Variants in SCARA5 observed in about 807,000 individuals in gnomAD.
SCARA5 encodes scavenger receptor class A, member 5 (putative).
In SCARA5, 45 loss-of-function variants were observed where a neutral mutation model predicts 46.3. The ratio of observed to expected loss-of-function variants is 0.97; its 90% confidence interval spans 0.76 to 1.24. The LOEUF is 1.24. Ranked by LOEUF, SCARA5 falls within the 50% of genes most tolerant of loss-of-function variation. The pLI, the probability that SCARA5 is intolerant of heterozygous loss-of-function variation, is 0.00. For missense variants in SCARA5, 680 were observed against 689.0 expected, an observed-to-expected ratio of 0.99 and a Z score of 0.15; for synonymous variants, 333 against 306.5, an observed-to-expected ratio of 1.09 and a Z score of -0.90.
chr8:27,921,160 T>C (rs940378311), intron 4 of SCARA5, among the ~76,000 whole-genome samples: 5 of 152,210 alleles, frequency 3.3e-5, no homozygotes, highest in Admixed American at 1.3e-4. Context: ...ACCCTGGGAA[T>C]GACACTAGAG....
At position 27,904,503 on chromosome 8, in the gene SCARA5, A is replaced by C. The variant is rs1585476731; in HGVS notation, c.1153+275T>G. The C allele has an allele frequency of 5.4e-6, 3 of 551,438 alleles. No individual in the cohort carries two copies. The South Asian group carries it at 8.7e-5, about 16-fold the overall frequency. The allele number at this position is 551,438 out of a possible 1,614,324, so 34.2% of individuals were successfully genotyped here. A position where few individuals can be genotyped will look rare whatever the true frequency, so the allele number is the denominator to read the frequency against. On this transcript the variant is annotated intron_variant, in intron 7 of 8. Transcript: ENST00000354914. ...GAGAACACTGAGGCACAGAGATTAT[A>C]CCAGCTGGGCTAGCGAGTGACCGGG...
chr8:27,894,894 TG>T (rs1052892160), intron 7 of SCARA5, among the ~76,000 whole-genome samples: 3 of 151,912 alleles, frequency 2.0e-5, no homozygotes, highest in Admixed American at 2.0e-4. Flanking sequence ...AATGAATGAG[TG>T]GGGCAATGAA....
chr8:27,895,314 C>T (rs1210209629), intron 7 of SCARA5, among the ~76,000 whole-genome samples: 1 of 152,150 alleles, frequency 6.6e-6, no homozygotes, highest in African/African-American at 2.4e-5. Flanking sequence ...GGCACAGGGG[C>T]TCTGCTGAGG....
In SCARA5 at chr8:27,966,450, C is replaced by T. The variant is rs756008254; in HGVS notation, c.205G>A (p.Val69Ile). Reference sequence around the variant, plus strand: ...AAGATGCCCACAAGAATCAGGAAGACCAGCAGGTAGAGCCCCAGGACAGCA... The same window carrying T: ...AAGATGCCCACAAGAATCAGGAAGATCAGCAGGTAGAGCCCCAGGACAGCA... ...KHAVLGLYLL[V>I]FLILVGIFIL... Residue 69 changes from valine (V) to isoleucine (I), a missense_variant, in exon 3 of 9, where the codon GTC becomes ATC. This residue lies in a region of SCARA5 where 438 missense variants were observed against 384.5 expected (regional missense o/e 1.14). Coordinates refer to ENST00000354914, the MANE Select transcript of SCARA5 (RefSeq NM_173833.6). The T allele has an allele frequency of 1.2e-6, 2 of 1,613,446 alleles. No individual in the cohort carries two copies. Among genetic ancestry groups the T allele is most frequent in the Non-Finnish European group, 1.7e-6 (2 of 1,179,762 alleles).
intron 4 of SCARA5, among the ~76,000 whole-genome samples, chr8:27,912,058 G>T (rs926613380): frequency 3.3e-5 from 5 of 152,114 alleles, no homozygotes; most frequent in Non-Finnish European, 2.9e-5. Flanking sequence ...CAGAGGGAAC[G>T]TGGCCCTGTG....
chr8:27,959,884 T>A (rs972776831), intron 3 of SCARA5, among the ~76,000 whole-genome samples: 9 of 152,290 alleles, frequency 5.9e-5, no homozygotes, highest in Admixed American at 1.3e-4. Flanking sequence ...GCTCCATCGC[T>A]CCCTCCCCTA....
At chr8:27,959,598 G>A (rs1808263121) in intron 3 of SCARA5, among the ~76,000 whole-genome samples, 1 of 152,204 alleles carries the variant, frequency 6.6e-6, no homozygotes. Flanking sequence ...ACACAAAGGT[G>A]GAGGAACTGG....
Position 27,966,421 on chromosome 8 carries a change from G to T in SCARA5, c.234C>A (p.Ile78=). 1 of 1,609,674 alleles carries T rather than the reference G, an allele frequency of 6.2e-7. No individual in the cohort carries two copies. The highest frequency in any genetic ancestry group is 8.5e-7 in the Non-Finnish European group (1 of 1,178,872). The stretch of plus-strand genomic sequence containing the variant: ...AAAATGGCCTGCTCTTACCTGCTAA[G>T]ATGAAGATGCCCACAAGAATCAGGA... ...LVFLILVGIF[I]LAVSRPRSSP... Residue 78 remains isoleucine, a synonymous_variant, in exon 3 of 9, where the codon ATC becomes ATA. Coordinates refer to ENST00000354914, the MANE Select transcript of SCARA5 (RefSeq NM_173833.6).
At chr8:27,978,210 T>TC (rs58919880) in intron 2 of SCARA5, among the ~76,000 whole-genome samples, 5 of 148,778 alleles carry the variant, frequency 3.4e-5, no homozygotes, top group African/African-American at 9.9e-5. Flanking sequence ...TTTTTTTTTT[T>TC]AGGAGAGAAA....
At chr8:27,983,341 G>T (rs2129978380) in intron 2 of SCARA5, among the ~76,000 whole-genome samples, 1 of 152,320 alleles carries the variant, frequency 6.6e-6, no homozygotes, top group Admixed American at 6.5e-5. Flanking sequence ...TCTGTTGGGG[G>T]TGCCAGCAGC....
intron 6 of SCARA5, among the ~76,000 whole-genome samples, 183 bp downstream of exon 6, chr8:27,906,965 T>G (rs1247049585): frequency 1.3e-5 from 2 of 152,192 alleles, no homozygotes; most frequent in Non-Finnish European, 2.9e-5. Context: ...TCACCACACC[T>G]GGCTGAGGGT....
At chr8:27,988,197 G>T (rs1249015820) in intron 1 of SCARA5, among the ~76,000 whole-genome samples, 2 of 152,206 alleles carry the variant, frequency 1.3e-5, no homozygotes, top group African/African-American at 4.8e-5. Context: ...AAGGAGCTTG[G>T]CTCAGTAGGA....
chr8:27,960,230 G>A (rs2685409), intron 3 of SCARA5, among the ~76,000 whole-genome samples: 27,967 of 150,722 alleles, frequency 0.19, 2,677 homozygotes, highest in Non-Finnish European at 0.2. Flanking sequence ...AGGCTGGAGC[G>A]CAATGATGCA....
At chr8:27,890,728 G>A (rs897594710) in intron 7 of SCARA5, among the ~76,000 whole-genome samples, 16 of 152,358 alleles carry the variant, frequency 1.1e-4, no homozygotes, top group Admixed American at 2.6e-4. Flanking sequence ...GCCACAGCTC[G>A]CTGTGCACAC....
intron 3 of SCARA5, among the ~76,000 whole-genome samples, chr8:27,923,849 A>G (rs1807640202): frequency 6.6e-6 from 1 of 152,294 alleles, no homozygotes; most frequent in Admixed American, 6.5e-5. Context: ...TTGGGATTAC[A>G]GGTGTGAGCC....
At chr8:27,892,858 G>C (rs986904535) in intron 7 of SCARA5, among the ~76,000 whole-genome samples, 28 of 152,064 alleles carry the variant, frequency 1.8e-4, no homozygotes, top group African/African-American at 6.0e-4. Context: ...CGCCTGCCTG[G>C]GCCTCCCAAA....
intron 3 of SCARA5, among the ~76,000 whole-genome samples, chr8:27,951,995 A>G (rs938141652): frequency 2.6e-5 from 4 of 152,110 alleles, no homozygotes; most frequent in African/African-American, 9.7e-5. Context: ...CCCAGAACCT[A>G]TTTGGAAATA....
rs1001905255 is a variant in SCARA5, at chr8:27,870,999, C to T, written c.*935G>A. On this transcript the variant is annotated 3_prime_UTR_variant, in exon 9 of 9. Transcript: ENST00000354914. ...TCAGCTCTCCTCCTACATTGATGGT[C>T]GGCCTGGAAGCCAGTCATGTTTGAC... 3 of 152,252 alleles carry T rather than the reference C, an allele frequency of 2.0e-5. No homozygotes were observed. The highest frequency in any genetic ancestry group is 4.4e-5 in the Non-Finnish European group (3 of 68,076). 9.4% of individuals were successfully genotyped at this position (152,252 alleles called of 1,614,324 possible). A position where few individuals can be genotyped will look rare whatever the true frequency, so the allele number is the denominator to read the frequency against.
chr8:27,950,492 G>C (rs1338956293), intron 3 of SCARA5, among the ~76,000 whole-genome samples: 2 of 152,058 alleles, frequency 1.3e-5, no homozygotes, highest in African/African-American at 4.8e-5. Context: ...TCACCCTCTG[G>C]CCAGCACCGT....
Sources: gnomAD v4.1 joint callset for allele counts (sites outside exome capture counted in the v4.1 genomes callset) on GRCh38, gnomAD v4.1.1 for gene constraint, gnomAD v4.1.1 regional missense constraint, MANE v1.5 for transcripts, NCBI Gene and HGNC (gene_info 2026-07-23, HGNC 2026-07-21) for gene names.